ACKR5: variants seen among roughly 807,000 people sequenced by gnomAD.
ACKR5 encodes G protein-coupled receptor 182.
At chr12:56,995,144 AAGGCTCTCG>A in the ACKR5 span, 2 of 1,472,434 alleles carry the variant, frequency 1.4e-6, no homozygotes, top group African/African-American at 2.8e-5. The surrounding 1 kb of genome is among the most constrained non-coding windows in gnomAD (Gnocchi z 4.7). Flanking sequence ...TTGAGGACAC[AAGGCTCTCG>A]AGGTCTGCTT....
the ACKR5 span, among the ~76,000 whole-genome samples, chr12:56,994,931 T>TG: frequency 2.7e-5 from 1 of 37,238 alleles, no homozygotes; most frequent in African/African-American, 1.1e-4. Flanking sequence ...GGGAACTGGC[T>TG]GGGGGTGGGG....
chr12:56,995,950 G>A, the ACKR5 span: 1 of 1,612,464 alleles, frequency 6.2e-7, no homozygotes, highest in Admixed American at 1.7e-5. The surrounding 1 kb of genome is among the most constrained non-coding windows in gnomAD (Gnocchi z 4.7). Flanking sequence ...GGCTGCGGCA[G>A]CCAGGACAAC....
the ACKR5 span, chr12:56,996,247 G>A: frequency 4.8e-5 from 77 of 1,613,962 alleles, no homozygotes; most frequent in African/African-American, 7.5e-4. Context: ...AGACCAAGGC[G>A]GGCACATGCG....
chr12:56,996,385 T>G, the ACKR5 span: 3 of 1,600,190 alleles, frequency 1.9e-6, no homozygotes, highest in Non-Finnish European at 2.6e-6. Flanking sequence ...TTCCAAATAC[T>G]TCCCCCATCT....
the ACKR5 span, chr12:56,996,418 C>T: frequency 1.3e-6 from 2 of 1,576,594 alleles, no homozygotes; most frequent in Non-Finnish European, 1.7e-6. Context: ...CTCTTACACC[C>T]AGCTGAGGTA....
At chr12:56,996,147 G>A in the ACKR5 span, 1 of 1,614,074 alleles carries the variant, frequency 6.2e-7, no homozygotes, top group Non-Finnish European at 8.5e-7. Context: ...ATGCTGCACT[G>A]TGTCATCAAC....
At chr12:56,995,377 C>G in the ACKR5 span, 13 of 1,614,136 alleles carry the variant, frequency 8.1e-6, no homozygotes, top group Non-Finnish European at 1.1e-5. The surrounding 1 kb of genome is among the most constrained non-coding windows in gnomAD (Gnocchi z 4.7). Context: ...GCGTGGTCCT[C>G]TTTGCCCTCT....
At chr12:56,995,617 C>A in the ACKR5 span, 3 of 1,614,130 alleles carry the variant, frequency 1.9e-6, no homozygotes, top group Non-Finnish European at 2.5e-6. This position sits in a 1 kb window ranked among gnomAD's most constrained non-coding sequence, Gnocchi z 4.7. Context: ...ACTTTGTCAA[C>A]ATGTATAGCA....
chr12:56,995,493 T>C, the ACKR5 span: 1 of 1,614,158 alleles, frequency 6.2e-7, no homozygotes, highest in Non-Finnish European at 8.5e-7. This position sits in a 1 kb window ranked among gnomAD's most constrained non-coding sequence, Gnocchi z 4.7. Context: ...ATCCTCAACA[T>C]GGCCATCGCG....
the ACKR5 span, chr12:56,996,187 C>A: frequency 5.6e-6 from 9 of 1,614,150 alleles, no homozygotes; most frequent in Non-Finnish European, 7.6e-6. Context: ...TCAGCCCACA[C>A]TTCCGGGGCC....
chr12:56,996,846 G>A, the ACKR5 span: 1 of 165,518 alleles, frequency 6.0e-6, no homozygotes, highest in South Asian at 1.8e-4. Flanking sequence ...TTTTGCGTTT[G>A]TGAGCTTGTT....
At chr12:56,997,629 A>T in the ACKR5 span, 1 of 152,354 alleles carries the variant, frequency 6.6e-6, no homozygotes, top group East Asian at 1.9e-4. Flanking sequence ...AGGCCTAAGA[A>T]CAGGATCTAG....
chr12:56,995,839 G>A, the ACKR5 span: 8,387 of 1,613,826 alleles, frequency 5.2e-3, 382 homozygotes, highest in African/African-American at 0.096. The surrounding 1 kb of genome is among the most constrained non-coding windows in gnomAD (Gnocchi z 4.7). Flanking sequence ...CTTTTGAAAC[G>A]TACAGCACCT....
the ACKR5 span, chr12:56,995,284 G>A: frequency 3.7e-6 from 6 of 1,614,080 alleles, no homozygotes; most frequent in Admixed American, 3.3e-5. This position sits in a 1 kb window ranked among gnomAD's most constrained non-coding sequence, Gnocchi z 4.7. Flanking sequence ...ACCTTGGAGA[G>A]ATCCACAACT....
At chr12:56,995,483 A>G in the ACKR5 span, 2 of 1,614,058 alleles carry the variant, frequency 1.2e-6, no homozygotes, top group East Asian at 2.2e-5. The surrounding 1 kb of genome is among the most constrained non-coding windows in gnomAD (Gnocchi z 4.7). Context: ...GAACCTCTAC[A>G]TCCTCAACAT....
the ACKR5 span, chr12:56,995,814 G>A: frequency 6.2e-7 from 1 of 1,614,084 alleles, no homozygotes; most frequent in Non-Finnish European, 8.5e-7. This position sits in a 1 kb window ranked among gnomAD's most constrained non-coding sequence, Gnocchi z 4.7. Flanking sequence ...GAGCCCATGT[G>A]CCTCTTCATG....
At chr12:56,995,564 TG>T in the ACKR5 span, 4 of 1,614,156 alleles carry the variant, frequency 2.5e-6, no homozygotes, top group Non-Finnish European at 8.5e-7. This position sits in a 1 kb window ranked among gnomAD's most constrained non-coding sequence, Gnocchi z 4.7. Context: ...GGACTACACC[TG>T]GCTCTGGGGC....
At chr12:56,996,522 G>A in the ACKR5 span, 165 of 1,097,208 alleles carry the variant, frequency 1.5e-4, no homozygotes, top group Admixed American at 9.4e-4. Flanking sequence ...CAAAGCACTC[G>A]TGGTCAATTT....
chr12:56,995,880 T>C, the ACKR5 span: 3 of 1,612,370 alleles, frequency 1.9e-6, no homozygotes, highest in Admixed American at 5.0e-5. This position sits in a 1 kb window ranked among gnomAD's most constrained non-coding sequence, Gnocchi z 4.7. Context: ...TCCACCACCA[T>C]CCTGGGCTTC....
Sources: gnomAD v4.1 joint callset for allele counts (sites outside exome capture counted in the v4.1 genomes callset) on GRCh38, gnomAD v4.1.1 for gene constraint, Gnocchi (gnomAD v3.1) non-coding constraint, MANE v1.5 for transcripts, NCBI Gene and HGNC (gene_info 2026-07-23, HGNC 2026-07-21) for gene names.